The following SCYL3 variants were observed in gnomAD, a reference collection of about 807,000 sequenced individuals.
The protein encoded by SCYL3 is SCY1 like pseudokinase 3.
In SCYL3, 35 loss-of-function variants were observed where a neutral mutation model predicts 73.8. The ratio of observed to expected loss-of-function variants is 0.47; its 90% CI spans 0.36 to 0.63. SCYL3 has a LOEUF of 0.63. SCYL3 is among the 20% of genes least tolerant of loss of function. The pLI is 0.00. For missense variants in SCYL3, 712 were observed against 798.9 expected (o/e 0.89, Z 1.31); for synonymous variants, 277 against 295.2 (o/e 0.94, Z 0.63).
intron 1 of SCYL3, among the ~76,000 whole-genome samples, chr1:169,891,977 A>G (rs965191218): frequency 6.6e-6 from 1 of 152,232 alleles, no homozygotes; most frequent in African/African-American, 2.4e-5. Context: ...AAAATCACTT[A>G]AAAATTAAAA....
At chr1:169,887,417 A>T (rs1661760526) in intron 2 of SCYL3, among the ~76,000 whole-genome samples, 2 of 152,208 alleles carry the variant, frequency 1.3e-5, no homozygotes, top group Admixed American at 1.3e-4. Context: ...TTTTAAAAAA[A>T]TCTTATAAAG....
chr1:169,863,310 G>C lies in SCYL3; in HGVS notation c.956-513C>G, dbSNP rs1475003823. On this transcript the variant is annotated intron_variant, in intron 9 of 12. Transcript: ENST00000367771. ...TTATGTTAAGTACACTTACCTTGTA[G>C]AGTTTTTGAAATACTAGAGATCATA... 2.0e-5 allele frequency among the ~76,000 whole-genome samples: 3 copies of C among 152,168 alleles called. No individual in the cohort carries two copies. In the East Asian group the frequency reaches 5.8e-4, roughly 29 times the overall value.
rs151037129 is a variant in SCYL3, at chr1:169,878,799, G to A, written c.186C>T (p.His62=). 272 of 1,611,990 alleles carry A rather than the reference G, an allele frequency of 1.7e-4. 2 individuals carry two copies. The South Asian group carries it at 2.5e-3, about 15-fold the overall frequency. The change falls in exon 3 of 13, where the codon CAC becomes CAT. Residue 62 remains histidine (H), a synonymous_variant. Transcript: ENST00000367771. ...KAAKHLKTLR[H]PCLLRFLSCT... ...AAGATAAAAATCTTAGCAAGCAAGG[G>A]TGACGAAGTGTCTTCAAATGCTTTA...
chr1:169,863,664 T>A (rs953587715), intron 9 of SCYL3, among the ~76,000 whole-genome samples: 5 of 152,212 alleles, frequency 3.3e-5, no homozygotes, highest in Admixed American at 3.3e-4. Flanking sequence ...CATAGGTGAT[T>A]CAGAGGCACA....
Position 169,853,198 on chromosome 1 carries a change from AG to A in SCYL3, c.*514del, listed in dbSNP as rs1377852250. 1 of 578,042 alleles carries A rather than the reference AG, an allele frequency of 1.7e-6. No individual in the cohort carries two copies. The highest frequency in any genetic ancestry group is 1.9e-5 in the African/African-American group (1 of 53,434). 35.8% of individuals were successfully genotyped at this position (578,042 alleles called of 1,614,324 possible). A position where few individuals can be genotyped will look rare whatever the true frequency, so the allele number is the denominator to read the frequency against. On this transcript the variant is annotated 3_prime_UTR_variant, in exon 13 of 13. Coordinates refer to ENST00000367771, the MANE Select transcript of SCYL3 (RefSeq NM_020423.7). ...CATGTGGAACAGTCAGGAACTGCCT[AG>A]GTCCACAAAGAACCATTTACTCAGA...
chr1:169,852,216 G>GA lies in SCYL3; in HGVS notation c.*1496dup, dbSNP rs1219873932. The GA allele has an allele frequency of 2.2e-5, 9 of 414,250 alleles. No individual in the cohort carries two copies. Among genetic ancestry groups the GA allele is most frequent in the South Asian group, 5.9e-5 (2 of 33,816 alleles). 25.7% of individuals were successfully genotyped at this position (414,250 alleles called of 1,614,324 possible). On this transcript the variant is annotated 3_prime_UTR_variant, in exon 13 of 13. Coordinates refer to ENST00000367771, the MANE Select transcript of SCYL3 (RefSeq NM_020423.7). Reference sequence around the variant, plus strand: ...TGATGCTATAAATGCAGTCTTTACTGAACCACAGAAGAAAATGAAAGAAAC... The same window carrying GA: ...TGATGCTATAAATGCAGTCTTTACTGAAACCACAGAAGAAAATGAAAGAAAC...
intron 10 of SCYL3, among the ~76,000 whole-genome samples, chr1:169,861,589 G>T (rs1278893669): frequency 6.6e-6 from 1 of 152,144 alleles, no homozygotes; most frequent in Non-Finnish European, 1.5e-5. Flanking sequence ...AGAATCATGA[G>T]AATTAATAAA....
In SCYL3 at chr1:169,864,415, T is replaced by G. The variant is rs1458711883; in HGVS notation, c.909A>C (p.Pro303=). The change falls in exon 9 of 13, where the codon CCA becomes CCC. Residue 303 remains proline (P), a synonymous_variant. Coordinates refer to ENST00000367771, the MANE Select transcript of SCYL3 (RefSeq NM_020423.7). ...LLLNQLVFAE[P]VAVKSFLPYL... is the part of the protein sequence containing the mutation. ...AAGGAAGAAAACTCTTAACAGCCAC[T>G]GGCTCTGCAAACACCAACTGATTAA... is the stretch of plus-strand genomic sequence containing the variant. The G allele has an allele frequency of 1.9e-6, 3 of 1,614,190 alleles. No individual in the cohort carries two copies. Among genetic ancestry groups the G allele is most frequent in the South Asian group, 2.2e-5 (2 of 91,080 alleles).
At position 169,853,331 on chromosome 1, in the gene SCYL3, G is replaced by A; in HGVS notation, c.*382C>T. The A allele has an allele frequency of 3.0e-6, 1 of 328,038 alleles. No individual in the cohort carries two copies. The highest frequency in any genetic ancestry group is 5.5e-6 in the Non-Finnish European group (1 of 180,898). The allele number at this position is 328,038 out of a possible 1,614,324, so 20.3% of individuals were successfully genotyped here. Reference sequence around the variant, plus strand: ...TTTTTTAAAGTTGTATTTCATAATAGAGCTTACTCTTATGTTAAAGAATGG... The same window carrying A: ...TTTTTTAAAGTTGTATTTCATAATAAAGCTTACTCTTATGTTAAAGAATGG... On this transcript the variant is annotated 3_prime_UTR_variant, in exon 13 of 13. Transcript: ENST00000367771.
At chr1:169,856,589 C>T (rs571657257) in intron 11 of SCYL3, among the ~76,000 whole-genome samples, 1 of 152,226 alleles carries the variant, frequency 6.6e-6, no homozygotes, top group Non-Finnish European at 1.5e-5. Flanking sequence ...CACATCTCCC[C>T]CCTCCTCACC....
chr1:169,893,495 G>A (rs1216808078), intron 1 of SCYL3, among the ~76,000 whole-genome samples: 1 of 152,142 alleles, frequency 6.6e-6, no homozygotes, highest in Non-Finnish European at 1.5e-5. Context: ...CTCCCTGCGA[G>A]GACCGACTCC....
Position 169,849,861 on chromosome 1 carries a change from C to T in SCYL3, c.*3852G>A, listed in dbSNP as rs1422255391. 2 of 501,488 alleles carry T rather than the reference C, an allele frequency of 4.0e-6. No homozygotes were observed. Among genetic ancestry groups the T allele is most frequent in the Admixed American group, 3.6e-5 (1 of 28,060 alleles). 31.1% of individuals were successfully genotyped at this position (501,488 alleles called of 1,614,324 possible). A position where few individuals can be genotyped will look rare whatever the true frequency, so the allele number is the denominator to read the frequency against. On this transcript the variant is annotated 3_prime_UTR_variant, in exon 13 of 13. Transcript: ENST00000367771. ...GCAGGCCTACTGATACAGACAGACA[C>T]AGACACAGTCTTCCAGCAGATAGTA...
intron 9 of SCYL3, 142 bp from the exon 10 acceptor site, chr1:169,862,939 G>C: frequency 1.3e-6 from 1 of 742,576 alleles, no homozygotes; most frequent in South Asian, 1.9e-5. Context: ...TTGAGATGGA[G>C]TCTCACTCTG....
At chr1:169,862,357 C>G (rs1437782086) in intron 10 of SCYL3, among the ~76,000 whole-genome samples, 1 of 152,184 alleles carries the variant, frequency 6.6e-6, no homozygotes, top group Non-Finnish European at 1.5e-5. Flanking sequence ...GTGCTCCATA[C>G]ATTATTGTTA....
At chr1:169,867,794 GC>G (rs1257594521) in intron 7 of SCYL3, among the ~76,000 whole-genome samples, 1 of 152,180 alleles carries the variant, frequency 6.6e-6, no homozygotes, top group Admixed American at 6.5e-5. Flanking sequence ...TGGGATTTTG[GC>G]AGGTACGGTT....
At position 169,888,611 on chromosome 1, in the gene SCYL3, AT is replaced by A. The variant is rs879493715; in HGVS notation, c.165+64del. 98 of 1,343,916 alleles carry A rather than the reference AT, an allele frequency of 7.3e-5. No individual in the cohort carries two copies. In the Admixed American group the frequency reaches 1.5e-3, roughly 20 times the overall value. 83.2% of individuals were successfully genotyped at this position (1,343,916 alleles called of 1,614,324 possible). On this transcript the variant is annotated intron_variant, in intron 2 of 12. Coordinates refer to ENST00000367771, the MANE Select transcript of SCYL3 (RefSeq NM_020423.7). Reference sequence around the variant, plus strand: ...CTCCTTTGAACTTTACTAATTTCATATTTTTTTAAAAGAAAACAAGATAGTA... The same window carrying A: ...CTCCTTTGAACTTTACTAATTTCATATTTTTTAAAAGAAAACAAGATAGTA...
chr1:169,893,471 C>T (rs1204622124), intron 1 of SCYL3, among the ~76,000 whole-genome samples: 1 of 152,116 alleles, frequency 6.6e-6, no homozygotes, highest in African/African-American at 2.4e-5. Context: ...TCGCTGGCCC[C>T]TCACCTTCCA....
intron 2 of SCYL3, among the ~76,000 whole-genome samples, chr1:169,883,704 C>T (rs1661467710): frequency 6.9e-6 from 1 of 145,032 alleles, no homozygotes; most frequent in Non-Finnish European, 1.5e-5. Flanking sequence ...GGGTTGGTTT[C>T]TCCAATTACA....
chr1:169,851,761 A>G lies in SCYL3; in HGVS notation c.*1952T>C, dbSNP rs1658374772. 1 of 1,581,686 alleles carries G rather than the reference A, an allele frequency of 6.3e-7. No homozygotes were observed. The highest frequency in any genetic ancestry group is 1.8e-5 in the Admixed American group (1 of 55,782). On this transcript the variant is annotated 3_prime_UTR_variant, in exon 13 of 13. Coordinates refer to ENST00000367771, the MANE Select transcript of SCYL3 (RefSeq NM_020423.7). Reference sequence around the variant, plus strand: ...CACTTAAATTATGTGGCCATTTCATATCTAGTAGAGTGCTAACATGTTGCT... The same window carrying G: ...CACTTAAATTATGTGGCCATTTCATGTCTAGTAGAGTGCTAACATGTTGCT...
Sources: allele counts gnomAD v4.1 joint callset (sites outside exome capture counted in the v4.1 genomes callset), GRCh38; gene constraint gnomAD v4.1.1; transcripts MANE v1.5; gene names NCBI Gene and HGNC (gene_info 2026-07-23, HGNC 2026-07-21).